Variants in NFATC3 observed in about 807,000 individuals in gnomAD.
NFATC3 encodes the protein nuclear factor of activated T-cells, cytoplasmic 3.
In NFATC3, 46 loss-of-function variants were observed where a neutral mutation model predicts 98.6. The ratio of observed to expected loss-of-function variants is 0.47; its 90% CI spans 0.37 to 0.60. The LOEUF is 0.60. NFATC3 is among the 20% of genes least tolerant of loss of function. The pLI, the probability that NFATC3 is intolerant of heterozygous loss-of-function variation, is 0.00. For synonymous variants in NFATC3, 512 were observed against 472.2 expected, an observed-to-expected ratio of 1.08 and a Z score of -1.09; for missense variants, 1,256 against 1,295.5, an observed-to-expected ratio of 0.97 and a Z score of 0.47.
intron 1 of NFATC3, among the ~76,000 whole-genome samples, chr16:68,118,722 G>C (rs891868238): frequency 3.9e-5 from 6 of 152,122 alleles, no homozygotes; most frequent in Non-Finnish European, 8.8e-5. Flanking sequence ...ATATCTATTT[G>C]ACATTTCCAC....
At chr16:68,103,282 G>T (rs2035469942) in intron 1 of NFATC3, among the ~76,000 whole-genome samples, 1 of 151,700 alleles carries the variant, frequency 6.6e-6, no homozygotes, top group African/African-American at 2.4e-5. Context: ...TTGGCTCATG[G>T]CAGGCAGCCT....
intron 4 of NFATC3, among the ~76,000 whole-genome samples, chr16:68,162,952 AACG>A (rs1240328115): frequency 1.1e-5 from 1 of 89,166 alleles, no homozygotes; most frequent in African/African-American, 6.3e-5. Flanking sequence ...GACTCTTAAC[AACG>A]AGCACGCTGC....
chr16:68,165,468 C>T (rs916712141), intron 4 of NFATC3, among the ~76,000 whole-genome samples: 1 of 147,894 alleles, frequency 6.8e-6, no homozygotes, highest in Non-Finnish European at 1.5e-5. Flanking sequence ...GTGATCTCAG[C>T]TCATTGCAAC....
chr16:68,129,693 T>A (rs1185045847), intron 3 of NFATC3, among the ~76,000 whole-genome samples: 3 of 148,272 alleles, frequency 2.0e-5, no homozygotes, highest in East Asian at 2.0e-4. Flanking sequence ...TTTTTTTTTT[T>A]AAGAGCTAGG....
At chr16:68,150,738 C>T (rs994821994) in intron 3 of NFATC3, among the ~76,000 whole-genome samples, 6 of 152,300 alleles carry the variant, frequency 3.9e-5, no homozygotes, top group Non-Finnish European at 8.8e-5. Context: ...TTGTAATCCC[C>T]ATAATTCCCA....
intron 1 of NFATC3, among the ~76,000 whole-genome samples, chr16:68,112,164 C>T (rs1447635541): frequency 6.6e-6 from 1 of 150,444 alleles, no homozygotes; most frequent in Non-Finnish European, 1.5e-5. Flanking sequence ...GGTGGCCTAT[C>T]TTGCTAGGTT....
intron 1 of NFATC3, among the ~76,000 whole-genome samples, chr16:68,090,318 T>TC (rs2034637216): frequency 9.1e-6 from 1 of 109,652 alleles, no homozygotes; most frequent in African/African-American, 4.3e-5. Context: ...AACATTTCTT[T>TC]AAAAACACAC....
chr16:68,097,987 T>C (rs1598351842), intron 1 of NFATC3, among the ~76,000 whole-genome samples: 1 of 152,162 alleles, frequency 6.6e-6, no homozygotes, highest in East Asian at 1.9e-4. Context: ...TGCTGACTTC[T>C]TGTCATTGCT....
intron 1 of NFATC3, among the ~76,000 whole-genome samples, chr16:68,093,853 A>G (rs1443123656): frequency 6.6e-6 from 1 of 152,176 alleles, no homozygotes; most frequent in Non-Finnish European, 1.5e-5. Context: ...GAGTTTAAGT[A>G]CAGAAAGACT....
chr16:68,087,337 A>G (rs1385813566), intron 1 of NFATC3, among the ~76,000 whole-genome samples: 1 of 152,204 alleles, frequency 6.6e-6, no homozygotes, highest in African/African-American at 2.4e-5. Flanking sequence ...TGTATATACA[A>G]CCAAAATACT....
At position 68,197,385 on chromosome 16, in the gene NFATC3, G is replaced by A. The variant is rs376212866; in HGVS notation, c.3106+5610G>A. Among the ~76,000 whole-genome samples, 3 of 152,326 alleles carry A rather than the reference G, an allele frequency of 2.0e-5. No individual in the cohort carries two copies. In the East Asian group the frequency reaches 5.8e-4, roughly 29 times the overall value. On this transcript the variant is annotated intron_variant, in intron 9 of 9. Transcript: ENST00000346183. ...TGCATCCTCAACTTCCTGGGCTGAA[G>A]CATTCCTCCTGCTTCAGCCTGCTGA...
At chr16:68,202,059 G>A (rs372434033) in intron 9 of NFATC3, among the ~76,000 whole-genome samples, 3 of 148,164 alleles carry the variant, frequency 2.0e-5, no homozygotes, top group African/African-American at 7.5e-5. Context: ...TGAGTTAACC[G>A]AATCCTGTTA....
At chr16:68,134,237 T>C (rs1173699545) in intron 3 of NFATC3, among the ~76,000 whole-genome samples, 2 of 152,142 alleles carry the variant, frequency 1.3e-5, no homozygotes, top group African/African-American at 2.4e-5. Flanking sequence ...TCACGACCCA[T>C]TGCAACCTCA....
intron 3 of NFATC3, among the ~76,000 whole-genome samples, chr16:68,141,174 T>C (rs865938629): frequency 1.1e-4 from 17 of 152,210 alleles, no homozygotes; most frequent in Middle Eastern, 3.2e-3. Context: ...TTCCGTGGTG[T>C]AGATATACCA....
intron 8 of NFATC3, among the ~76,000 whole-genome samples, chr16:68,184,566 G>C (rs972201046): frequency 6.6e-6 from 1 of 152,256 alleles, no homozygotes; most frequent in East Asian, 1.9e-4. Flanking sequence ...CACTTTGGGA[G>C]GTTGAGGTGG....
intron 3 of NFATC3, among the ~76,000 whole-genome samples, chr16:68,135,626 C>G (rs1253793606): frequency 6.6e-6 from 1 of 151,864 alleles, no homozygotes; most frequent in African/African-American, 2.4e-5. Flanking sequence ...AAGCCGATAC[C>G]TTTTATTGAA....
At chr16:68,162,510 A>G (rs1203396792) in intron 4 of NFATC3, among the ~76,000 whole-genome samples, 1 of 152,144 alleles carries the variant, frequency 6.6e-6, no homozygotes, top group Non-Finnish European at 1.5e-5. Context: ...TCTTAAGGCA[A>G]TAAGGTGTGG....
chr16:68,126,622 TTGG>T lies in NFATC3; in HGVS notation c.1401+13_1401+15del, dbSNP rs1213371219. On this transcript the variant is annotated intron_variant, in intron 3 of 9. Transcript: ENST00000346183. ...ATCCTGTTGTGAAGGTATGAGACTT[TTGG>T]GGCTTGTTTTGCAGATACCATACAC... 3 of 1,613,526 alleles carry T rather than the reference TTGG, an allele frequency of 1.9e-6. No individual in the cohort carries two copies. In the African/African-American group the frequency reaches 4.0e-5, roughly 22 times the overall value.
intron 4 of NFATC3, among the ~76,000 whole-genome samples, chr16:68,163,713 C>G (rs1318663001): frequency 1.3e-5 from 2 of 152,028 alleles, no homozygotes; most frequent in Non-Finnish European, 2.9e-5. Context: ...ACGCTCCTCA[C>G]CTCCCAGACG....
Sources: gnomAD v4.1 joint callset for allele counts (sites outside exome capture counted in the v4.1 genomes callset) on GRCh38, gnomAD v4.1.1 for gene constraint, MANE v1.5 for transcripts, NCBI Gene and HGNC (gene_info 2026-07-23, HGNC 2026-07-21) for gene names.